PARD3B: variants seen among roughly 807,000 people sequenced by gnomAD.
PARD3B encodes the protein partitioning defective 3 homolog B.
PARD3B carries 103 observed loss-of-function variants against 130.2 expected under a neutral mutation model. That is an observed-to-expected ratio of 0.79 (90% CI 0.67 to 0.93). The LOEUF is 0.93. PARD3B is among the 40% of genes least tolerant of loss of function. The probability of loss-of-function intolerance (pLI) is 0.00; values close to 1 mark genes in which losing one functional copy is unlikely to be tolerated. For synonymous variants in PARD3B, 583 were observed against 553.2 expected, an observed-to-expected ratio of 1.05 and a Z score of -0.76; for missense variants, 1,609 against 1,499.2, an observed-to-expected ratio of 1.07 and a Z score of -1.21.
At position 205,197,072 on chromosome 2, in the gene PARD3B, TGTGAGA is replaced by T. The variant is rs1559532739; in HGVS notation, c.2140+3754_2140+3759del. ...GTGTGTGTGTGTGTGTGTGTGTGTG[TGTGAGA>T]GAGAGAGAGAGAGAGCATGCACATT... On this transcript the variant is annotated intron_variant, in intron 15 of 22. Coordinates refer to ENST00000406610, the MANE Select transcript of PARD3B (RefSeq NM_001302769.2). Among the ~76,000 whole-genome samples, 612 of 148,926 alleles carry T rather than the reference TGTGAGA, an allele frequency of 4.1e-3. 1 individual carries two copies. The highest frequency in any genetic ancestry group is 0.014 in the African/African-American group (583 of 40,760).
intron 2 of PARD3B, among the ~76,000 whole-genome samples, chr2:204,713,813 G>A (rs2038584543): frequency 8.2e-6 from 1 of 121,742 alleles, no homozygotes; most frequent in South Asian, 3.1e-4. Flanking sequence ...ATTTATCAAT[G>A]TTGTTCAAGG....
chr2:204,617,257 AC>A (rs1218576430), intron 1 of PARD3B, among the ~76,000 whole-genome samples: 1 of 152,184 alleles, frequency 6.6e-6, no homozygotes, highest in Non-Finnish European at 1.5e-5. Context: ...TCCTGATGAT[AC>A]TTTAATCTCA....
chr2:205,559,237 C>G (rs540062555), intron 22 of PARD3B, among the ~76,000 whole-genome samples: 5 of 152,290 alleles, frequency 3.3e-5, no homozygotes, highest in Admixed American at 6.5e-5. Context: ...CGTCTGCCTC[C>G]CAGGCTCAAG....
chr2:205,515,844 T>C (rs2050772945), intron 21 of PARD3B, among the ~76,000 whole-genome samples: 1 of 152,206 alleles, frequency 6.6e-6, no homozygotes, highest in African/African-American at 2.4e-5. Flanking sequence ...TGATTGCTTT[T>C]GCTGTCTTTG....
At chr2:204,745,276 G>A (rs1180002934) in intron 2 of PARD3B, among the ~76,000 whole-genome samples, 2 of 151,980 alleles carry the variant, frequency 1.3e-5, no homozygotes, top group Admixed American at 1.3e-4. Context: ...CTCTTCAATC[G>A]GCCTCCCATA....
intron 4 of PARD3B, among the ~76,000 whole-genome samples, chr2:205,072,644 AAAT>A (rs1442814792): frequency 6.6e-6 from 1 of 152,242 alleles, no homozygotes; most frequent in Non-Finnish European, 1.5e-5. Flanking sequence ...TTTAAGGTCT[AAAT>A]AACATTTTCT....
chr2:204,935,146 C>CTTTTTTTTTTTTTTTTTTTT (rs71032422), intron 2 of PARD3B, among the ~76,000 whole-genome samples: 1 of 138,666 alleles, frequency 7.2e-6, no homozygotes, highest in African/African-American at 2.6e-5. Context: ...GTTTTCCCTA[C>CTTTTTTTTTTTTTTTTTTTT]TTTTTTTTTT....
intron 6 of PARD3B, among the ~76,000 whole-genome samples, chr2:205,115,937 A>AT (rs937590966): frequency 7.9e-5 from 12 of 151,008 alleles, no homozygotes; most frequent in Middle Eastern, 3.4e-3. Context: ...GTATTTTTTT[A>AT]TTTTTTTTTC....
intron 4 of PARD3B, among the ~76,000 whole-genome samples, chr2:205,073,287 T>A (rs1700851323): frequency 6.6e-6 from 1 of 152,182 alleles, no homozygotes; most frequent in Non-Finnish European, 1.5e-5. Flanking sequence ...GTTTTAAAAA[T>A]CACCATCCCT....
chr2:204,635,515 G>A (rs1181126499), intron 1 of PARD3B, among the ~76,000 whole-genome samples: 1 of 152,138 alleles, frequency 6.6e-6, no homozygotes, highest in Non-Finnish European at 1.5e-5. Flanking sequence ...TTAACATGGT[G>A]CTTTTGGAAA....
At chr2:204,589,003 G>A (rs1421493175) in intron 1 of PARD3B, among the ~76,000 whole-genome samples, 9 of 151,974 alleles carry the variant, frequency 5.9e-5, no homozygotes, top group Non-Finnish European at 1.2e-4. Context: ...AAAATTGACA[G>A]ATGTGATAAA....
At chr2:205,205,266 G>C (rs928584533) in intron 15 of PARD3B, among the ~76,000 whole-genome samples, 3 of 152,146 alleles carry the variant, frequency 2.0e-5, no homozygotes, top group African/African-American at 7.2e-5. Context: ...TGGTGTATAG[G>C]AATGCTTGTG....
In PARD3B at chr2:205,263,546, A is replaced by G. The variant is rs114650334; in HGVS notation, c.2185+17724A>G. 2.9e-3 allele frequency among the ~76,000 whole-genome samples: 433 copies of G among 151,352 alleles called. 13 individuals are homozygous for G. The highest frequency in any genetic ancestry group is 9.9e-3 in the African/African-American group (407 of 41,230). ...AGAAAAGAAAAAATAACCTCCGTCT[A>G]TACCTTACACCATATAAGAAGCTAA... On this transcript the variant is annotated intron_variant, in intron 16 of 22. Coordinates refer to ENST00000406610, the MANE Select transcript of PARD3B (RefSeq NM_001302769.2). The surrounding 1 kb of genome is among the most constrained non-coding windows in gnomAD (Gnocchi z 4.0).
chr2:205,598,153 A>G (rs2054637429), intron 22 of PARD3B, among the ~76,000 whole-genome samples: 1 of 152,222 alleles, frequency 6.6e-6, no homozygotes, highest in Non-Finnish European at 1.5e-5. Context: ...ACTCCCGTTT[A>G]AAAGGCAGAG....
chr2:205,155,572 G>GA (rs1187151507), intron 10 of PARD3B, among the ~76,000 whole-genome samples: 2 of 151,998 alleles, frequency 1.3e-5, no homozygotes, highest in South Asian at 2.1e-4. Context: ...CATTTATAAA[G>GA]AAAAAATAAT....
At chr2:205,544,427 C>T (rs2052297128) in intron 21 of PARD3B, among the ~76,000 whole-genome samples, 1 of 152,098 alleles carries the variant, frequency 6.6e-6, no homozygotes, top group South Asian at 2.1e-4. Flanking sequence ...AGCTTGTTGG[C>T]AAGGCACATA....
intron 5 of PARD3B, among the ~76,000 whole-genome samples, chr2:205,108,517 C>G (rs1330037722): frequency 6.6e-6 from 1 of 151,938 alleles, no homozygotes; most frequent in Non-Finnish European, 1.5e-5. Context: ...TCCCTCCCTC[C>G]CTCTCTCTAA....
rs9808310 is a variant in PARD3B at position 205,241,360 on chromosome 2, G to A, written c.2141-4418G>A. Among the ~76,000 whole-genome samples the A allele has an allele frequency of 0.028, 4,266 of 152,188 alleles. 87 individuals carry two copies. The highest frequency in any genetic ancestry group is 0.086 in the East Asian group (445 of 5,172). ...AATAAATCGGAAGAAAGATCAAGAG[G>A]AGGCAGTCCATGGTACTCTCTAAGT... On this transcript the variant is annotated intron_variant, in intron 15 of 22. Transcript: ENST00000406610. This position sits in a 1 kb window ranked among gnomAD's most constrained non-coding sequence, Gnocchi z 4.2.
chr2:204,957,617 G>A (rs375779665), intron 2 of PARD3B, among the ~76,000 whole-genome samples: 13 of 152,152 alleles, frequency 8.5e-5, no homozygotes, highest in South Asian at 4.1e-4. Flanking sequence ...TTTAAAATCC[G>A]GATTAAATGC....
Sources: allele counts gnomAD v4.1 joint callset (sites outside exome capture counted in the v4.1 genomes callset), GRCh38; gene constraint gnomAD v4.1.1; non-coding constraint Gnocchi (gnomAD v3.1); transcripts MANE v1.5; gene names NCBI Gene and HGNC (gene_info 2026-07-23, HGNC 2026-07-21).